The following RAPGEF2 variants were observed in gnomAD, a reference collection of about 807,000 sequenced individuals.
The protein encoded by RAPGEF2 is PDZ domain containing guanine nucleotide exchange factor (GEF) 1.
In RAPGEF2, 54 loss-of-function variants were observed where a neutral mutation model predicts 186.7. The observed-to-expected ratio is 0.29, with a 90% CI of 0.23 to 0.36. The LOEUF is 0.36. RAPGEF2 is among the 10% of genes least tolerant of loss of function. The pLI is 1.00. For missense variants in RAPGEF2, 1,532 were observed against 2,045.0 expected (o/e 0.75, Z 4.84); for synonymous variants, 712 against 705.9 (o/e 1.01, Z -0.14).
In RAPGEF2 at chr4:159,358,245, G is replaced by A; in HGVS notation, c.*106G>A. The A allele has an allele frequency of 8.5e-7, 1 of 1,180,622 alleles. No individual in the cohort carries two copies. Among genetic ancestry groups the A allele is most frequent in the Non-Finnish European group, 1.2e-6 (1 of 823,952 alleles). The allele number at this position is 1,180,622 out of a possible 1,614,324, so 73.1% of individuals were successfully genotyped here. On this transcript the variant is annotated 3_prime_UTR_variant, in exon 30 of 30. Coordinates refer to ENST00000691494, the MANE Select transcript of RAPGEF2 (RefSeq NM_001394067.2). ...CTCACATTCTGAGGACGGTGGACCA[G>A]TTTGCCTCCTTCCCTGCCTTAAAAG... is the stretch of plus-strand genomic sequence containing the variant.
At chr4:159,340,968 A>C (rs962687104) in intron 19 of RAPGEF2, among the ~76,000 whole-genome samples, 1 of 152,198 alleles carries the variant, frequency 6.6e-6, no homozygotes, top group Admixed American at 6.5e-5. Flanking sequence ...AATACCTACT[A>C]TCCACTTACC....
intron 4 of RAPGEF2, among the ~76,000 whole-genome samples, chr4:159,218,552 T>G (rs1354789820): frequency 6.6e-6 from 1 of 152,078 alleles, no homozygotes; most frequent in Non-Finnish European, 1.5e-5. Context: ...GGTCAGGAGT[T>G]CAAGAACAGC....
chr4:159,202,776 A>G (rs578080869), intron 3 of RAPGEF2, among the ~76,000 whole-genome samples: 2 of 152,094 alleles, frequency 1.3e-5, no homozygotes, highest in African/African-American at 2.4e-5. Context: ...TAATTTTTGT[A>G]TTTTTAGTAG....
At position 159,242,302 on chromosome 4, in the gene RAPGEF2, A is replaced by G. The variant is rs187803592; in HGVS notation, c.525+934A>G. 7.9e-4 allele frequency among the ~76,000 whole-genome samples: 120 copies of G among 151,876 alleles called. 3 individuals carry two copies. The East Asian group carries it at 0.017, about 21-fold the overall frequency. On this transcript the variant is annotated intron_variant, in intron 6 of 29. Transcript: ENST00000691494. ...TTAAAATAAAAATATAAAAAATAAA[A>G]ATAGATAATTAACAACTATTTTACA... is the stretch of plus-strand genomic sequence containing the variant.
chr4:159,355,863 G>A lies in RAPGEF2; in HGVS notation c.4662G>A (p.Glu1554=). The part of the protein sequence containing the change: ...STTKGLIARK[E]GRYREPPPTP... ...TTGTTTCTACTCTAGCACGAAAGGA[G>A]GGCAGGTATCGAGAGCCCCCGCCCA... is the stretch of plus-strand genomic sequence containing the variant. The change falls in exon 29 of 30, where the codon GAG becomes GAA. Residue 1554 remains glutamate, a synonymous_variant. Transcript: ENST00000691494. 1 of 1,547,322 alleles carries A rather than the reference G, an allele frequency of 6.5e-7. No individual in the cohort carries two copies. The highest frequency in any genetic ancestry group is 1.2e-5 in the South Asian group (1 of 83,972).
At chr4:159,181,931 G>T (rs1382743599) in intron 1 of RAPGEF2, among the ~76,000 whole-genome samples, 1 of 152,102 alleles carries the variant, frequency 6.6e-6, no homozygotes, top group Admixed American at 6.6e-5. Flanking sequence ...TTATCCAGAA[G>T]GATCTTTTAT....
At chr4:159,123,577 C>T (rs1319963109) in intron 1 of RAPGEF2, among the ~76,000 whole-genome samples, 3 of 139,178 alleles carry the variant, frequency 2.2e-5, no homozygotes, top group Admixed American at 7.7e-5. Flanking sequence ...CTTGTTCTGT[C>T]GCCCAGGCTG....
intron 1 of RAPGEF2, among the ~76,000 whole-genome samples, chr4:159,149,545 C>G (rs4690931): frequency 0.61 from 92,555 of 152,114 alleles, 28,635 homozygotes; most frequent in African/African-American, 0.72. Flanking sequence ...GTGTGAGCCA[C>G]CGCGCCTGGC....
At chr4:159,140,182 T>G (rs1275015163) in intron 1 of RAPGEF2, among the ~76,000 whole-genome samples, 2 of 152,266 alleles carry the variant, frequency 1.3e-5, no homozygotes, top group Non-Finnish European at 2.9e-5. Flanking sequence ...CAACGTTTTA[T>G]ACTATTAGGA....
intron 11 of RAPGEF2, chr4:159,329,128 T>A (rs1311717617): frequency 6.6e-6 from 1 of 152,156 alleles, no homozygotes; most frequent in Non-Finnish European, 1.5e-5. Flanking sequence ...AAGTGATTTC[T>A]ATCATTCATT....
intron 24 of RAPGEF2, among the ~76,000 whole-genome samples, chr4:159,345,996 A>C (rs944068030): frequency 6.6e-6 from 1 of 152,110 alleles, no homozygotes; most frequent in Non-Finnish European, 1.5e-5. Context: ...GATTTGGATT[A>C]TTAGATTTAC....
At chr4:159,163,787 T>G (rs1015496120) in intron 1 of RAPGEF2, among the ~76,000 whole-genome samples, 2 of 150,304 alleles carry the variant, frequency 1.3e-5, no homozygotes, top group African/African-American at 5.0e-5. Context: ...CAAGAAGGGG[T>G]TACTGAAAGA....
chr4:159,137,044 TG>T (rs943136234), intron 1 of RAPGEF2, among the ~76,000 whole-genome samples: 1 of 151,798 alleles, frequency 6.6e-6, no homozygotes, highest in Non-Finnish European at 1.5e-5. Flanking sequence ...ACAGAAAAGG[TG>T]GGGGGGTTGG....
intron 1 of RAPGEF2, among the ~76,000 whole-genome samples, chr4:159,162,535 A>G (rs1045034467): frequency 1.1e-4 from 16 of 152,192 alleles, no homozygotes; most frequent in African/African-American, 3.9e-4. Flanking sequence ...TGTATATATT[A>G]ATGAACCTGG....
At chr4:159,203,124 T>G (rs879494781) in intron 3 of RAPGEF2, among the ~76,000 whole-genome samples, 1 of 152,186 alleles carries the variant, frequency 6.6e-6, no homozygotes, top group Non-Finnish European at 1.5e-5. Flanking sequence ...TAAATGAGAA[T>G]GTGGAGCGGC....
At chr4:159,132,526 C>T (rs552404162) in intron 1 of RAPGEF2, among the ~76,000 whole-genome samples, 7 of 152,262 alleles carry the variant, frequency 4.6e-5, no homozygotes, top group Non-Finnish European at 8.8e-5. Flanking sequence ...AGATGAGCAC[C>T]GTACTCCAGG....
rs575265063 is a variant in RAPGEF2, at chr4:159,180,276, ACTTT to A, written c.70-6360_70-6357del. ...CATGTCTTTTGCTTATCTCTAGTAA[ACTTT>A]CTTTCATTTTTCGGGGTCTGAGAGC... is the stretch of plus-strand genomic sequence containing the variant. On this transcript the variant is annotated intron_variant, in intron 1 of 29. Coordinates refer to ENST00000691494, the MANE Select transcript of RAPGEF2 (RefSeq NM_001394067.2). Among the ~76,000 whole-genome samples the A allele has an allele frequency of 3.6e-3, 551 of 152,102 alleles. 3 individuals carry two copies. Among genetic ancestry groups the A allele is most frequent in the African/African-American group, 0.012 (492 of 41,470 alleles).
chr4:159,327,951 G>A (rs1766163025), intron 11 of RAPGEF2: 1 of 151,118 alleles, frequency 6.6e-6, no homozygotes, highest in African/African-American at 2.4e-5. Flanking sequence ...CAAATCAAAT[G>A]TATTCTAATT....
chr4:159,274,954 T>C (rs1052093373), intron 7 of RAPGEF2, among the ~76,000 whole-genome samples: 1 of 152,146 alleles, frequency 6.6e-6, no homozygotes, highest in Non-Finnish European at 1.5e-5. Flanking sequence ...GAAACACCCA[T>C]GTCATAAAGA....
Sources: gnomAD v4.1 joint callset for allele counts (sites outside exome capture counted in the v4.1 genomes callset) on GRCh38, gnomAD v4.1.1 for gene constraint, MANE v1.5 for transcripts, NCBI Gene and HGNC (gene_info 2026-07-23, HGNC 2026-07-21) for gene names.